The following CFAP61 variants were observed in gnomAD, a reference collection of about 807,000 sequenced individuals.
CFAP61 encodes cilia and flagella associated protein 61.
In CFAP61, 107 loss-of-function variants were observed where a neutral mutation model predicts 135.6. The observed-to-expected ratio is 0.79, with a 90% CI of 0.67 to 0.93. CFAP61 has a LOEUF of 0.93. Ranked by LOEUF, CFAP61 falls within the 40% of genes least tolerant of loss-of-function variation. The pLI, the probability that CFAP61 is intolerant of heterozygous loss-of-function variation, is 0.00. For synonymous variants in CFAP61, 575 were observed against 578.5 expected (o/e 0.99, Z 0.09); for missense variants, 1,507 against 1,556.2 (o/e 0.97, Z 0.53).
chr20:20,295,091 T>C (rs531316937), intron 24 of CFAP61, among the ~76,000 whole-genome samples: 21 of 152,192 alleles, frequency 1.4e-4, no homozygotes, highest in African/African-American at 4.8e-4. Flanking sequence ...CTCTCACTGC[T>C]CTCAGCCTGC....
rs1238078723 is a variant in CFAP61, at chr20:20,084,482, G to T, written c.567-6362G>T. ...GTGTGAGTTTTCCATCTGTGCATTT[G>T]CAGTGGTTTCTGTGCTGGCAGGGAA... On this transcript the variant is annotated intron_variant, in intron 6 of 26. Coordinates refer to ENST00000245957, the MANE Select transcript of CFAP61 (RefSeq NM_015585.4). 3.3e-5 allele frequency among the ~76,000 whole-genome samples: 5 copies of T among 152,174 alleles called. 1 individual carries two copies. The highest frequency in any genetic ancestry group is 3.3e-4 in the Admixed American group (5 of 15,278).
At chr20:20,232,574 T>A (rs1215669765) in intron 18 of CFAP61, among the ~76,000 whole-genome samples, 4 of 152,126 alleles carry the variant, frequency 2.6e-5, no homozygotes, top group Non-Finnish European at 5.9e-5. Context: ...TCCAGAATTA[T>A]GCAGAACAGC....
At chr20:20,186,979 G>T (rs1359830360) in intron 13 of CFAP61, among the ~76,000 whole-genome samples, 1 of 152,066 alleles carries the variant, frequency 6.6e-6, no homozygotes, top group African/African-American at 2.4e-5. Flanking sequence ...CCTTCCCATG[G>T]GCTCCAACCC....
At chr20:20,281,533 A>G (rs888134117) in intron 22 of CFAP61, among the ~76,000 whole-genome samples, 11 of 152,186 alleles carry the variant, frequency 7.2e-5, no homozygotes, top group Non-Finnish European at 1.5e-4. Flanking sequence ...TTAATTCTTT[A>G]ATACAGTGAA....
At chr20:20,140,128 A>ATTTTTTTTTTTTTTTTTTTTTTTTTTTT in intron 8 of CFAP61, among the ~76,000 whole-genome samples, 1 of 97,310 alleles carries the variant, frequency 1.0e-5, no homozygotes, top group Non-Finnish European at 1.9e-5. Context: ...GGTGCTGGAA[A>ATTTTTTTTTTTTTTTTTTTTTTTTTTTT]TTTTTTTTTT....
rs557140572 is a variant in CFAP61, at chr20:20,242,782, A to G, written c.2061-3335A>G. On this transcript the variant is annotated intron_variant, in intron 18 of 26. Transcript: ENST00000245957. ...AAGGAATCCTCTAGAATTTCCTCGC[A>G]GATGACACTTTTTGGTATCCTGATT... Among the ~76,000 whole-genome samples the G allele has an allele frequency of 3.3e-5, 5 of 152,372 alleles. No homozygotes were observed. The South Asian group carries it at 1.0e-3, about 32-fold the overall frequency.
intron 25 of CFAP61, among the ~76,000 whole-genome samples, chr20:20,300,500 A>G (rs6075641): frequency 0.48 from 72,332 of 152,088 alleles, 17,957 homozygotes; most frequent in Middle Eastern, 0.6. Context: ...TTTGTAACAG[A>G]AAGTTTAAAC....
intron 10 of CFAP61, among the ~76,000 whole-genome samples, chr20:20,160,284 G>T (rs1157803377): frequency 1.3e-5 from 2 of 152,280 alleles, no homozygotes; most frequent in East Asian, 1.9e-4. Context: ...CTTGAGAAGG[G>T]AATGGAACAT....
rs1055862539 is a variant in CFAP61, at chr20:20,145,782, A to G, written c.951+2834A>G. On this transcript the variant is annotated intron_variant, in intron 9 of 26. Coordinates refer to ENST00000245957, the MANE Select transcript of CFAP61 (RefSeq NM_015585.4). ...AGAACACAGAATACTATAAGAGATA[A>G]CAAAGGCCAAGAGAATGTAACAATC... 2.6e-5 allele frequency among the ~76,000 whole-genome samples: 4 copies of G among 152,228 alleles called. No homozygotes were observed. In the South Asian group the frequency reaches 8.3e-4, roughly 32 times the overall value.
rs145303255 is a variant in CFAP61 at position 20,226,878 on chromosome 20, C to T, written c.1933-1371C>T. ...AAATGGGAGTGAGTCCAATCTCTTC[C>T]GAAATCTGTGTTGTGCCAAATTAAA... On this transcript the variant is annotated intron_variant, in intron 17 of 26. Coordinates refer to ENST00000245957, the MANE Select transcript of CFAP61 (RefSeq NM_015585.4). 1.4e-4 allele frequency among the ~76,000 whole-genome samples: 21 copies of T among 152,276 alleles called. No homozygotes were observed. The East Asian group carries it at 2.7e-3, about 20-fold the overall frequency.
At chr20:20,326,762 G>A (rs1305648628) in intron 25 of CFAP61, among the ~76,000 whole-genome samples, 1 of 152,072 alleles carries the variant, frequency 6.6e-6, no homozygotes, top group Non-Finnish European at 1.5e-5. Flanking sequence ...GACATTATAA[G>A]TTGGCTTGAT....
intron 18 of CFAP61, among the ~76,000 whole-genome samples, chr20:20,232,207 A>C (rs1374999313): frequency 1.3e-5 from 2 of 152,136 alleles, no homozygotes; most frequent in African/African-American, 2.4e-5. Context: ...ACCACGGTAG[A>C]AACTCCACAA....
At chr20:20,230,301 A>T (rs765451426) in intron 18 of CFAP61, among the ~76,000 whole-genome samples, 23 of 152,214 alleles carry the variant, frequency 1.5e-4, no homozygotes, top group Non-Finnish European at 3.2e-4. Flanking sequence ...CAGTTTACAG[A>T]TCTCTAATCC....
Position 20,290,394 on chromosome 20 carries a change from A to C in CFAP61, c.3216+3A>C, listed in dbSNP as rs775061517. The C allele has an allele frequency of 1.0e-5, 16 of 1,568,280 alleles. No individual in the cohort carries two copies. The highest frequency in any genetic ancestry group is 1.4e-5 in the Non-Finnish European group (16 of 1,138,858). On this transcript the variant is annotated splice_donor_region_variant and intron_variant, in intron 24 of 26. Transcript: ENST00000245957. ...TACAAATGGCACAGCCTAATTATGT[A>C]AGTATTATTTCTGAATTTCATTTTA...
At chr20:20,124,412 C>T (rs6075619) in intron 8 of CFAP61, among the ~76,000 whole-genome samples, 1 of 151,722 alleles carries the variant, frequency 6.6e-6, no homozygotes, top group South Asian at 2.1e-4. Flanking sequence ...AGGTATGTTC[C>T]TTGTATGCTG....
At chr20:20,194,206 G>A (rs1274770306) in intron 15 of CFAP61, among the ~76,000 whole-genome samples, 2 of 151,800 alleles carry the variant, frequency 1.3e-5, no homozygotes, top group African/African-American at 4.8e-5. Context: ...TAGATCTTTT[G>A]AATTGATTCT....
At chr20:20,132,241 T>G (rs1418454191) in intron 8 of CFAP61, among the ~76,000 whole-genome samples, 1 of 152,174 alleles carries the variant, frequency 6.6e-6, no homozygotes, top group Non-Finnish European at 1.5e-5. Context: ...TATTGTTATA[T>G]ATTGCAGATT....
At chr20:20,160,483 G>A (rs113345960) in intron 10 of CFAP61, among the ~76,000 whole-genome samples, 1 of 152,302 alleles carries the variant, frequency 6.6e-6, no homozygotes, top group Non-Finnish European at 1.5e-5. Context: ...CTGAACCAGA[G>A]AACAAAGCTT....
chr20:20,211,831 A>G (rs2047665546), intron 17 of CFAP61, among the ~76,000 whole-genome samples: 3 of 152,228 alleles, frequency 2.0e-5, no homozygotes, highest in Admixed American at 2.0e-4. Context: ...CTGTGCTTCC[A>G]GGGAACAGGT....
Sources: allele counts gnomAD v4.1 joint callset (sites outside exome capture counted in the v4.1 genomes callset), GRCh38; gene constraint gnomAD v4.1.1; transcripts MANE v1.5; gene names NCBI Gene and HGNC (gene_info 2026-07-23, HGNC 2026-07-21).